The following MYO1D variants were observed in gnomAD, a reference collection of about 807,000 sequenced individuals.
The protein encoded by MYO1D is myosin ID, also known as unconventional myosin-Id.
A neutral mutation model predicts 122.0 loss-of-function variants in MYO1D; 83 were observed. The observed-to-expected ratio is 0.68, with a 90% CI of 0.57 to 0.82. The LOEUF (loss-of-function observed/expected upper bound fraction) is 0.82. Among genes scored for constraint, MYO1D ranks in the 40% least tolerant of loss-of-function variants. The pLI, the probability that MYO1D is intolerant of heterozygous loss-of-function variation, is 0.00. For synonymous variants in MYO1D, 464 were observed against 446.9 expected (o/e 1.04, Z -0.48); for missense variants, 1,157 against 1,269.5 (o/e 0.91, Z 1.35).
intron 21 of MYO1D, among the ~76,000 whole-genome samples, chr17:32,550,529 G>A (rs2087003642): frequency 6.6e-6 from 1 of 152,132 alleles, no homozygotes; most frequent in South Asian, 2.1e-4. Context: ...AATCACAGAG[G>A]ATTAGTAAGG....
At chr17:32,564,528 C>T (rs539933604) in intron 21 of MYO1D, among the ~76,000 whole-genome samples, 1 of 152,326 alleles carries the variant, frequency 6.6e-6, no homozygotes, top group Non-Finnish European at 1.5e-5. Context: ...TACTGACCTA[C>T]CTGCTTTCCT....
At chr17:32,783,843 T>C (rs2090265074) in intron 1 of MYO1D, among the ~76,000 whole-genome samples, 1 of 152,194 alleles carries the variant, frequency 6.6e-6, no homozygotes, top group Admixed American at 6.5e-5. Flanking sequence ...TTATCCTAGA[T>C]GACAAATAGG....
At position 32,605,067 on chromosome 17, in the gene MYO1D, T is replaced by C. The variant is rs1224096324; in HGVS notation, c.2864+20A>G. On this transcript the variant is annotated intron_variant, in intron 21 of 21. Transcript: ENST00000318217. ...TTCATAGATTTAAAACGTGTCTTAG[T>C]TACAAAAATCAAACTTTACCTCTTG... The C allele has an allele frequency of 6.4e-7, 1 of 1,559,960 alleles. No homozygotes were observed. Among genetic ancestry groups the C allele is most frequent in the Non-Finnish European group, 8.8e-7 (1 of 1,142,040 alleles).
chr17:32,522,453 AC>A (rs1290292403), intron 21 of MYO1D, among the ~76,000 whole-genome samples: 8 of 152,364 alleles, frequency 5.3e-5, no homozygotes, highest in African/African-American at 1.7e-4. Context: ...CTGCTGACTT[AC>A]AATGAGTTAA....
rs139017398 is a variant in MYO1D, at chr17:32,858,052, C to T, written c.95+18726G>A. On this transcript the variant is annotated intron_variant, in intron 1 of 21. Transcript: ENST00000318217. ...AGAGCATAACATCATTTAATATTTT[C>T]AACTGTTCCTTTAAAATATGCATTT... 3.5e-4 allele frequency among the ~76,000 whole-genome samples: 54 copies of T among 152,264 alleles called. No individual in the cohort carries two copies. The East Asian group carries it at 8.9e-3, about 25-fold the overall frequency.
chr17:32,657,732 C>T (rs1427633982), intron 17 of MYO1D, among the ~76,000 whole-genome samples: 3 of 152,254 alleles, frequency 2.0e-5, no homozygotes, highest in Admixed American at 2.0e-4. Flanking sequence ...GCCTGCAACA[C>T]AGCAGACATT....
intron 21 of MYO1D, among the ~76,000 whole-genome samples, chr17:32,553,964 C>G (rs1211118537): frequency 6.6e-6 from 1 of 152,156 alleles, no homozygotes; most frequent in East Asian, 1.9e-4. Context: ...GTGTCATCTT[C>G]CATGCTCTTC....
intron 1 of MYO1D, among the ~76,000 whole-genome samples, chr17:32,824,770 T>C (rs749343201): frequency 2.0e-5 from 3 of 152,192 alleles, no homozygotes; most frequent in Admixed American, 6.5e-5. Context: ...TATGGCATAC[T>C]CTCATTATTA....
intron 20 of MYO1D, among the ~76,000 whole-genome samples, chr17:32,636,612 T>C (rs567401803): frequency 7.6e-4 from 116 of 152,046 alleles, no homozygotes; most frequent in Non-Finnish European, 4.3e-4. Context: ...CAGAGTTGAT[T>C]TGGGAGGTTC....
chr17:32,660,235 C>T (rs891063097), intron 16 of MYO1D, among the ~76,000 whole-genome samples: 5 of 152,212 alleles, frequency 3.3e-5, no homozygotes, highest in African/African-American at 1.2e-4. Context: ...ACATCGCCAT[C>T]ATGCCCCAGT....
chr17:32,859,085 G>A (rs2091049311), intron 1 of MYO1D, among the ~76,000 whole-genome samples: 2 of 152,160 alleles, frequency 1.3e-5, no homozygotes, highest in African/African-American at 4.8e-5. Flanking sequence ...ATTATATTAA[G>A]GTATCACTGC....
chr17:32,557,211 C>A (rs1181613878), intron 21 of MYO1D, among the ~76,000 whole-genome samples: 1 of 151,780 alleles, frequency 6.6e-6, no homozygotes, highest in African/African-American at 2.4e-5. Flanking sequence ...CTCTGCCTTC[C>A]GGTTTCAAGC....
At chr17:32,660,743 G>C (rs2088552320) in intron 16 of MYO1D, among the ~76,000 whole-genome samples, 1 of 152,212 alleles carries the variant, frequency 6.6e-6, no homozygotes, top group African/African-American at 2.4e-5. Context: ...TGTGGCGTCA[G>C]TACAGCAGCC....
At chr17:32,825,448 C>T (rs1298680786) in intron 1 of MYO1D, among the ~76,000 whole-genome samples, 1 of 152,074 alleles carries the variant, frequency 6.6e-6, no homozygotes, top group Non-Finnish European at 1.5e-5. Context: ...TGTGCCACCA[C>T]GCCTGGCTAA....
intron 21 of MYO1D, among the ~76,000 whole-genome samples, chr17:32,585,659 G>C (rs1351841261): frequency 6.6e-6 from 1 of 151,650 alleles, no homozygotes; most frequent in African/African-American, 2.4e-5. Context: ...GAACGTGGGA[G>C]GCGGAGGTTG....
At position 32,724,585 on chromosome 17, in the gene MYO1D, C is replaced by T. The variant is rs184303617; in HGVS notation, c.1747-3396G>A. Among the ~76,000 whole-genome samples, 136 of 152,202 alleles carry T rather than the reference C, an allele frequency of 8.9e-4. 1 individual carries two copies. Among genetic ancestry groups the T allele is most frequent in the Non-Finnish European group, 1.6e-3 (106 of 68,016 alleles). ...TTTTTCCTGGGGAAATTTGCCAGTT[C>T]CAGAGAAGGTAGATGGGATCTGAGT... On this transcript the variant is annotated intron_variant, in intron 14 of 21. Coordinates refer to ENST00000318217, the MANE Select transcript of MYO1D (RefSeq NM_015194.3).
chr17:32,796,712 C>T (rs1321459191), intron 1 of MYO1D, among the ~76,000 whole-genome samples: 1 of 152,106 alleles, frequency 6.6e-6, no homozygotes, highest in Non-Finnish European at 1.5e-5. Context: ...CCATGCCCAG[C>T]CAAACATCCT....
chr17:32,688,155 C>A (rs1373905091), intron 16 of MYO1D, among the ~76,000 whole-genome samples: 1 of 152,174 alleles, frequency 6.6e-6, no homozygotes, highest in East Asian at 1.9e-4. Flanking sequence ...GGGAGCTGTG[C>A]AATCCCTGAG....
chr17:32,842,328 G>GT (rs1469019838), intron 1 of MYO1D, among the ~76,000 whole-genome samples: 1 of 152,138 alleles, frequency 6.6e-6, no homozygotes, highest in Admixed American at 6.5e-5. Context: ...GATGTGAAGC[G>GT]TAAGTTACTG....
Sources: allele counts gnomAD v4.1 joint callset (sites outside exome capture counted in the v4.1 genomes callset), GRCh38; gene constraint gnomAD v4.1.1; transcripts MANE v1.5; gene names NCBI Gene and HGNC (gene_info 2026-07-23, HGNC 2026-07-21).